The following DAB1 variants were observed in gnomAD, a reference collection of about 807,000 sequenced individuals.
DAB1 encodes the protein disabled homolog 1.
Under a neutral mutation model 64.6 loss-of-function variants are expected in DAB1, and 15 were observed. The ratio of observed to expected loss-of-function variants is 0.23; its 90% CI spans 0.16 to 0.36. The LOEUF is 0.36. Among genes scored for constraint, DAB1 ranks in the 10% least tolerant of loss-of-function variants. The pLI is 1.00. For missense variants in DAB1, 596 were observed against 706.7 expected (o/e 0.84, Z 1.78); for synonymous variants, 235 against 251.9 (o/e 0.93, Z 0.64).
intron 2 of DAB1, among the ~76,000 whole-genome samples, chr1:57,264,539 C>A (rs1320103805): frequency 6.6e-6 from 1 of 152,160 alleles, no homozygotes; most frequent in Non-Finnish European, 1.5e-5. Context: ...GATCTCACGG[C>A]AATCCTGCAG....
At chr1:57,834,537 A>G (rs1385085607) in intron 1 of DAB1, among the ~76,000 whole-genome samples, 1 of 152,044 alleles carries the variant, frequency 6.6e-6, no homozygotes, top group East Asian at 1.9e-4. Context: ...GCCTCATTAA[A>G]TGTTTCAGTC....
intron 7 of DAB1, among the ~76,000 whole-genome samples, chr1:57,608,610 G>A (rs909013376): frequency 1.3e-5 from 2 of 152,194 alleles, no homozygotes; most frequent in African/African-American, 4.8e-5. Context: ...TATGCCAGAT[G>A]TTGGGCTAAA....
chr1:58,362,470 T>TG (rs1569685515), intron 3 of DAB1, among the ~76,000 whole-genome samples: 1 of 152,320 alleles, frequency 6.6e-6, no homozygotes, highest in East Asian at 1.9e-4. Context: ...GTCCAGCTTT[T>TG]GAGTCCATGA....
chr1:57,293,786 T>C (rs1000921251), intron 1 of DAB1, among the ~76,000 whole-genome samples: 2 of 152,130 alleles, frequency 1.3e-5, no homozygotes, highest in East Asian at 1.9e-4. Context: ...ATCAATTGTA[T>C]AAAACTGGAT....
At chr1:57,976,057 G>T (rs903414090) in intron 5 of DAB1, among the ~76,000 whole-genome samples, 3 of 152,166 alleles carry the variant, frequency 2.0e-5, no homozygotes, top group Non-Finnish European at 4.4e-5. Flanking sequence ...TCTTGGCAAC[G>T]CCAAGTCTTA....
intron 4 of DAB1, among the ~76,000 whole-genome samples, chr1:58,214,500 A>T (rs748403498): frequency 3.9e-5 from 6 of 152,200 alleles, no homozygotes; most frequent in Non-Finnish European, 8.8e-5. Flanking sequence ...AAAGAAAGTA[A>T]GAAAGAGGGA....
At position 58,310,401 on chromosome 1, in the gene DAB1, G is replaced by A. The variant is rs59554573; in HGVS notation, n.309+32951C>T. ...GAAGGAATTTCAACATTTGTGGTCC[G>A]CAGAGAACATTATAGGAGAGTATAA... On this transcript the variant is annotated intron_variant and non_coding_transcript_variant, in intron 4 of 20. Coordinates refer to the DAB1 transcript ENST00000485760. 3.2e-3 allele frequency among the ~76,000 whole-genome samples: 488 copies of A among 152,284 alleles called. 3 individuals carry two copies. Among genetic ancestry groups the A allele is most frequent in the African/African-American group, 0.011 (467 of 41,570 alleles).
rs552896258 is a variant in DAB1 at position 58,198,727 on chromosome 1, C to T, written n.310-48139G>A. Among the ~76,000 whole-genome samples, 10 of 152,240 alleles carry T rather than the reference C, an allele frequency of 6.6e-5. No homozygotes were observed. In the East Asian group the frequency reaches 1.9e-3, roughly 29 times the overall value. On this transcript the variant is annotated intron_variant and non_coding_transcript_variant, in intron 4 of 20. Transcript: ENST00000485760. Reference sequence around the variant, plus strand: ...GATTGGTTCAGGATTGAGGGCAAGACTCAATCCATTGAGAGGCAGAACTTT... The same window carrying T: ...GATTGGTTCAGGATTGAGGGCAAGATTCAATCCATTGAGAGGCAGAACTTT...
At chr1:57,998,389 CTTTTT>C (rs3991037) in intron 5 of DAB1, among the ~76,000 whole-genome samples, 4 of 128,798 alleles carry the variant, frequency 3.1e-5, no homozygotes, top group Non-Finnish European at 3.2e-5. Flanking sequence ...TTTTTTCTCT[CTTTTT>C]TTTTTTTTTT....
At chr1:57,987,454 A>G (rs938325880) in intron 5 of DAB1, among the ~76,000 whole-genome samples, 1 of 152,228 alleles carries the variant, frequency 6.6e-6, no homozygotes, top group African/African-American at 2.4e-5. Context: ...AGGAAGGTGA[A>G]GTTTATTGTC....
chr1:57,093,301 T>C (rs575163), intron 4 of DAB1, among the ~76,000 whole-genome samples: 79,549 of 151,916 alleles, frequency 0.52, 21,265 homozygotes, highest in South Asian at 0.64. Context: ...AGAGTGATAC[T>C]CTGTTGGCTC....
At chr1:57,349,129 G>T (rs1375392675) in intron 1 of DAB1, among the ~76,000 whole-genome samples, 1 of 152,068 alleles carries the variant, frequency 6.6e-6, no homozygotes, top group African/African-American at 2.4e-5. Flanking sequence ...TTCTAAAAAG[G>T]GTGGGGCTTT....
chr1:57,347,179 A>T (rs1164033249), intron 1 of DAB1, among the ~76,000 whole-genome samples: 1 of 152,136 alleles, frequency 6.6e-6, no homozygotes. Context: ...AAACTAGGAG[A>T]GGATTTGGGG....
intron 4 of DAB1, among the ~76,000 whole-genome samples, chr1:57,128,156 TAAA>T (rs1230286590): frequency 1.3e-5 from 1 of 78,504 alleles, no homozygotes; most frequent in Admixed American, 1.2e-4. Flanking sequence ...AAAATAAAAA[TAAA>T]TAAATAAATA....
At chr1:58,128,407 A>C (rs1475983011) in intron 5 of DAB1, among the ~76,000 whole-genome samples, 19 of 136,292 alleles carry the variant, frequency 1.4e-4, no homozygotes, top group East Asian at 7.4e-4. Flanking sequence ...GTCTGCAAAC[A>C]GGGACAATTT....
chr1:57,659,519 G>C (rs1646359766), intron 6 of DAB1, among the ~76,000 whole-genome samples: 1 of 152,104 alleles, frequency 6.6e-6, no homozygotes. Flanking sequence ...AAACATGAAT[G>C]GTGTTCTCTA....
chr1:58,530,596 C>T, intron 1 of DAB1: 1 of 871,396 alleles, frequency 1.1e-6, no homozygotes, highest in Admixed American at 1.7e-5. Context: ...TTGTCTCAGA[C>T]TTACCTCCTG....
intron 4 of DAB1, among the ~76,000 whole-genome samples, chr1:58,162,331 C>A (rs1018289318): frequency 6.6e-6 from 1 of 152,142 alleles, no homozygotes; most frequent in Non-Finnish European, 1.5e-5. Flanking sequence ...CCACAGCAAC[C>A]TTGTTTTCTT....
intron 5 of DAB1, among the ~76,000 whole-genome samples, chr1:58,073,681 AAGTGGGAAATTCAGG>A (rs1418300630): frequency 6.6e-6 from 1 of 152,232 alleles, no homozygotes; most frequent in Non-Finnish European, 1.5e-5. Context: ...GGGAATTTTA[AAGTGGGAAATTCAGG>A]TAGAATTTGG....
Sources: gnomAD v4.1 joint callset for allele counts (sites outside exome capture counted in the v4.1 genomes callset) on GRCh38, gnomAD v4.1.1 for gene constraint, MANE v1.5 for transcripts, NCBI Gene and HGNC (gene_info 2026-07-23, HGNC 2026-07-21) for gene names.